SEZ6: variants seen among roughly 807,000 people sequenced by gnomAD.
SEZ6 encodes seizure related 6 homolog.
In SEZ6, 53 loss-of-function variants were observed where a neutral mutation model predicts 101.0. The observed-to-expected ratio is 0.52, with a 90% CI of 0.42 to 0.66. The LOEUF is 0.66. Among genes scored for constraint, SEZ6 ranks in the 30% least tolerant of loss-of-function variants. SEZ6 has a pLI of 0.00. For missense variants in SEZ6, 1,102 were observed against 1,289.4 expected, an observed-to-expected ratio of 0.85 and a Z score of 2.23; for synonymous variants, 488 against 512.2, an observed-to-expected ratio of 0.95 and a Z score of 0.64.
chr17:28,961,132 T>C (rs2040972127), intron 5 of SEZ6, among the ~76,000 whole-genome samples, 159 bp from the exon 6 acceptor site: 1 of 152,090 alleles, frequency 6.6e-6, no homozygotes. Context: ...GTCAACCTTT[T>C]AGCCCTGTGA....
At chr17:28,963,626 C>T (rs940483238) in intron 5 of SEZ6, among the ~76,000 whole-genome samples, 2 of 152,178 alleles carry the variant, frequency 1.3e-5, no homozygotes, top group Non-Finnish European at 2.9e-5. Context: ...ATGATTGCGC[C>T]CTTGCCTCCC....
rs373194914 is a variant in SEZ6 at position 28,960,486 on chromosome 17, G to A, written c.1576+19C>T. ...TCCCCGTGGACCCGCCACCCCCAGT[G>A]AGGCCCCAGCAGGCTCACCCTCATA... On this transcript the variant is annotated intron_variant, in intron 7 of 16. Coordinates refer to ENST00000317338, the MANE Select transcript of SEZ6 (RefSeq NM_178860.5). 17 of 1,580,674 alleles carry A rather than the reference G, an allele frequency of 1.1e-5. No individual in the cohort carries two copies. Among genetic ancestry groups the A allele is most frequent in the East Asian group, 2.3e-5 (1 of 42,680 alleles).
At chr17:28,982,118 G>A (rs1488413815) in intron 1 of SEZ6, 79 bp from the exon 2 acceptor site, 12 of 1,467,772 alleles carry the variant, frequency 8.2e-6, no homozygotes, top group South Asian at 1.4e-5. Flanking sequence ...TAGTGGGGGG[G>A]CCCGCTCTCT....
At chr17:28,993,659 C>A (rs1387383632) in intron 1 of SEZ6, among the ~76,000 whole-genome samples, 1 of 152,186 alleles carries the variant, frequency 6.6e-6, no homozygotes, top group Non-Finnish European at 1.5e-5. Context: ...CCTACTGCCT[C>A]GCTCCACATA....
In SEZ6 at chr17:28,960,539, G is replaced by A. The variant is rs201843594; in HGVS notation, c.1542C>T (p.Ser514=). ...HFFVELSTDS[S]GAAAGMALRY... The stretch of plus-strand genomic sequence containing the variant: ...GCAGGGCCATGCCTGCAGCTGCCCC[G>A]CTGCTGTCAGTACTGAGCTCAACAA... The change falls in exon 7 of 17, where the codon AGC becomes AGT. Residue 514 remains serine, a synonymous_variant. Transcript: ENST00000317338. 2.2e-5 allele frequency: 35 copies of A among 1,592,856 alleles called. No homozygotes were observed. Among genetic ancestry groups the A allele is most frequent in the Middle Eastern group, 1.6e-4 (1 of 6,062 alleles).
At chr17:28,978,440 A>G (rs1016928028) in intron 3 of SEZ6, among the ~76,000 whole-genome samples, 16 of 152,322 alleles carry the variant, frequency 1.1e-4, no homozygotes, top group African/African-American at 3.8e-4. Context: ...GCAGACTGCT[A>G]AGAGCTAAGA....
chr17:28,959,704 A>C lies in SEZ6; in HGVS notation c.1765T>G (p.Cys589Gly). Residue 589 changes from cysteine to glycine, a missense_variant, in exon 8 of 17, where the codon TGC (cysteine) becomes GGC (glycine). Cys to Gly is a radical substitution (Grantham distance 159, BLOSUM62 -3). Coordinates refer to ENST00000317338, the MANE Select transcript of SEZ6 (RefSeq NM_178860.5). This position sits in a 1 kb window ranked among gnomAD's most constrained non-coding sequence, Gnocchi z 4.4. Reference sequence around the variant, plus strand: ...TCCACTGGTGTCTACTGACCTCGGCAGGCTGGCTCTGTCTCATTCCACTGG... The same window carrying C: ...TCCACTGGTGTCTACTGACCTCGGCCGGCTGGCTCTGTCTCATTCCACTGG... ...DPQWNETEPA[C>G]RAVCSGEITD... The C allele has an allele frequency of 6.3e-7, 1 of 1,590,628 alleles. No individual in the cohort carries two copies. The highest frequency in any genetic ancestry group is 8.6e-7 in the Non-Finnish European group (1 of 1,167,040).
rs1038824854 is a variant in SEZ6, at chr17:28,961,075, A to G, written c.1241-102T>C. The G allele has an allele frequency of 5.6e-6, 8 of 1,423,498 alleles. No homozygotes were observed. The African/African-American group carries it at 1.1e-4, about 20-fold the overall frequency. 88.2% of individuals were successfully genotyped at this position (1,423,498 alleles called of 1,614,324 possible). ...CAGCCCTATATCCTCTGCTTGGAGC[A>G]GCGGGGACCTTGCCTCCCTGCCATC... On this transcript the variant is annotated intron_variant, in intron 5 of 16. Transcript: ENST00000317338.
At chr17:28,969,474 C>CTGAA (rs971191517) in intron 4 of SEZ6, among the ~76,000 whole-genome samples, 1 of 152,166 alleles carries the variant, frequency 6.6e-6, no homozygotes, top group South Asian at 2.1e-4. Flanking sequence ...GAAAAGTTTG[C>CTGAA]TGAATGAATG....
At chr17:28,985,904 G>A (rs1287737108) in intron 1 of SEZ6, among the ~76,000 whole-genome samples, 3 of 152,240 alleles carry the variant, frequency 2.0e-5, no homozygotes, top group Non-Finnish European at 2.9e-5. Context: ...AGGCCCACCT[G>A]GTGCCAGAAC....
At chr17:29,004,347 A>G (rs1353721216) in intron 1 of SEZ6, among the ~76,000 whole-genome samples, 1 of 152,166 alleles carries the variant, frequency 6.6e-6, no homozygotes, top group African/African-American at 2.4e-5. Context: ...CTAGGCAGGG[A>G]TTCACACTTC....
intron 2 of SEZ6, 44 bp from the exon 3 acceptor site, chr17:28,979,857 A>T: frequency 6.5e-7 from 1 of 1,547,302 alleles, no homozygotes. Context: ...AGCTCTGGTG[A>T]AGTGGTCCAA....
rs1214110578 is a variant in SEZ6, at chr17:29,005,264, G to T, written c.55+551C>A. 6.6e-6 allele frequency among the ~76,000 whole-genome samples: 1 copy of T among 152,228 alleles called. No individual in the cohort carries two copies. The highest frequency in any genetic ancestry group is 1.5e-5 in the Non-Finnish European group (1 of 68,032). ...TGCTCTAGGTCCCGACTCTGGCGTG[G>T]CAGCGCCAGGGCATGGGGAGGTGAG... is the stretch of plus-strand genomic sequence containing the variant. On this transcript the variant is annotated intron_variant, in intron 1 of 16. Transcript: ENST00000317338. The surrounding 1 kb of genome is among the most constrained non-coding windows in gnomAD (Gnocchi z 4.8).
intron 4 of SEZ6, among the ~76,000 whole-genome samples, chr17:28,967,240 A>C (rs975036760): frequency 6.6e-6 from 1 of 152,214 alleles, no homozygotes; most frequent in African/African-American, 2.4e-5. Context: ...AAATGCCTTC[A>C]CACTCTTCTT....
chr17:28,993,886 A>G (rs2041500423), intron 1 of SEZ6, among the ~76,000 whole-genome samples: 1 of 152,232 alleles, frequency 6.6e-6, no homozygotes. Context: ...GGCAGCCCCA[A>G]GCCTCTGTGG....
chr17:28,962,834 A>T (rs2041003602), intron 5 of SEZ6, among the ~76,000 whole-genome samples: 1 of 151,390 alleles, frequency 6.6e-6, no homozygotes, highest in African/African-American at 2.4e-5. Context: ...CACTAAAAAG[A>T]AAAAGCCCGG....
chr17:28,961,969 T>G (rs1395896948), intron 5 of SEZ6, among the ~76,000 whole-genome samples: 1 of 152,188 alleles, frequency 6.6e-6, no homozygotes, highest in Non-Finnish European at 1.5e-5. Context: ...CTGCCTCAGC[T>G]TGGTCTCAGA....
rs1279967813 is a variant in SEZ6, at chr17:29,005,411, CCA to C, written c.55+402_55+403del. Among the ~76,000 whole-genome samples, 1 of 152,134 alleles carries C rather than the reference CCA, an allele frequency of 6.6e-6. No individual in the cohort carries two copies. The highest frequency in any genetic ancestry group is 1.5e-5 in the Non-Finnish European group (1 of 68,008). On this transcript the variant is annotated intron_variant, in intron 1 of 16. Transcript: ENST00000317338. This position sits in a 1 kb window ranked among gnomAD's most constrained non-coding sequence, Gnocchi z 4.8. Reference sequence around the variant, plus strand: ...TTGGCGGGCGGCAGGGGAAGCGGGACCACGGGCCGCCAGCTGGACCGTCCCGA... The same window carrying C: ...TTGGCGGGCGGCAGGGGAAGCGGGACCGGGCCGCCAGCTGGACCGTCCCGA...
intron 1 of SEZ6, among the ~76,000 whole-genome samples, chr17:28,987,723 C>T (rs2041402669): frequency 6.6e-6 from 1 of 152,102 alleles, no homozygotes; most frequent in African/African-American, 2.4e-5. Flanking sequence ...TGTGTGCTGA[C>T]CATGCACTCA....
Sources: allele counts gnomAD v4.1 joint callset (sites outside exome capture counted in the v4.1 genomes callset), GRCh38; gene constraint gnomAD v4.1.1; non-coding constraint Gnocchi (gnomAD v3.1); transcripts MANE v1.5; gene names NCBI Gene and HGNC (gene_info 2026-07-23, HGNC 2026-07-21).